ACTR3C: variants seen among roughly 807,000 people sequenced by gnomAD.
The protein encoded by ACTR3C is actin-related protein 3C.
A neutral mutation model predicts 26.3 loss-of-function variants in ACTR3C; 18 were observed. That is an observed-to-expected ratio of 0.68 (90% CI 0.47 to 1.01). The LOEUF is 1.01. ACTR3C is among the 50% of genes least tolerant of loss of function. The pLI is 0.00. For missense variants in ACTR3C, 184 were observed against 250.7 expected (o/e 0.73, Z 1.80); for synonymous variants, 55 against 94.5 (o/e 0.58, Z 2.42).
chr7:150,038,656 C>T, the ACTR3C span, among the ~76,000 whole-genome samples: 2,028 of 144,950 alleles, frequency 0.014, 350 homozygotes, highest in African/African-American at 0.05. Flanking sequence ...GTAAATCCCA[C>T]GTAAGGTCGG....
At chr7:150,037,273 C>T in the ACTR3C span, among the ~76,000 whole-genome samples, 1 of 52,298 alleles carries the variant, frequency 1.9e-5, no homozygotes, top group Admixed American at 1.9e-4. Context: ...CAACTAACAC[C>T]CACAGTCCTC....
chr7:149,975,044 G>C, the ACTR3C span, among the ~76,000 whole-genome samples: 2 of 152,166 alleles, frequency 1.3e-5, no homozygotes, highest in African/African-American at 2.4e-5. Context: ...CATTAGAAGC[G>C]AGGTATATTA....
the ACTR3C span, among the ~76,000 whole-genome samples, chr7:149,945,852 C>T: frequency 6.6e-6 from 1 of 152,284 alleles, no homozygotes; most frequent in Non-Finnish European, 1.5e-5. Flanking sequence ...CTGTAGGAAT[C>T]TAGGGGTTAG....
chr7:149,882,791 G>A, the ACTR3C span, among the ~76,000 whole-genome samples: 2 of 152,210 alleles, frequency 1.3e-5, no homozygotes, highest in Admixed American at 1.3e-4. Flanking sequence ...TTTAATGGGA[G>A]AACGTAGGAG....
the ACTR3C span, among the ~76,000 whole-genome samples, chr7:150,124,492 A>G: frequency 6.6e-6 from 1 of 152,164 alleles, no homozygotes; most frequent in Non-Finnish European, 1.5e-5. Context: ...TCTGTTAGAT[A>G]AATGCGCCCA....
At chr7:149,941,473 A>T in the ACTR3C span, among the ~76,000 whole-genome samples, 1 of 152,216 alleles carries the variant, frequency 6.6e-6, no homozygotes, top group East Asian at 1.9e-4. Context: ...CTGGACCCTA[A>T]TTTAACAGAT....
the ACTR3C span, among the ~76,000 whole-genome samples, chr7:150,060,061 G>A: frequency 6.6e-6 from 1 of 152,196 alleles, no homozygotes; most frequent in Admixed American, 6.5e-5. Context: ...TTGCATATGG[G>A]AGAGGCAACA....
At chr7:150,321,253 T>C (rs568010166) in intron 1 of ACTR3C, among the ~76,000 whole-genome samples, 1 of 152,358 alleles carries the variant, frequency 6.6e-6, no homozygotes, top group South Asian at 2.1e-4. Flanking sequence ...CCTGATTTTT[T>C]TGCCCCTATT....
chr7:150,084,000 A>C, the ACTR3C span, among the ~76,000 whole-genome samples: 1 of 152,214 alleles, frequency 6.6e-6, no homozygotes, highest in African/African-American at 2.4e-5. Flanking sequence ...AGAGCAAATC[A>C]GTATGCTGAA....
At chr7:150,264,295 A>C (rs1833865909) in intron 6 of ACTR3C, among the ~76,000 whole-genome samples, 1 of 152,274 alleles carries the variant, frequency 6.6e-6, no homozygotes, top group African/African-American at 2.4e-5. Flanking sequence ...CCTTGCGGTC[A>C]GCACTGTGCA....
the ACTR3C span, among the ~76,000 whole-genome samples, chr7:150,203,578 T>A: frequency 1.6e-4 from 24 of 152,320 alleles, no homozygotes; most frequent in East Asian, 4.2e-3. Flanking sequence ...TTTTTTTTGT[T>A]TTTTTACATG....
At chr7:150,100,568 C>T in the ACTR3C span, among the ~76,000 whole-genome samples, 3 of 151,670 alleles carry the variant, frequency 2.0e-5, no homozygotes, top group African/African-American at 4.9e-5. Flanking sequence ...TTATCATGCC[C>T]GGAACCTATT....
rs145573034 is a variant in ACTR3C at position 150,296,492 on chromosome 7, C to T, written c.-51-1145G>A. Among the ~76,000 whole-genome samples the T allele has an allele frequency of 1.7e-3, 260 of 152,080 alleles. 1 individual carries two copies. Among genetic ancestry groups the T allele is most frequent in the African/African-American group, 5.9e-3 (246 of 41,444 alleles). ...TCAAACAGGAGGAAATGACAGACAA[C>T]AGAAACAGAAAAAGAATAAATAAAC... On this transcript the variant is annotated intron_variant, in intron 1 of 7. Coordinates refer to ENST00000683684, the MANE Select transcript of ACTR3C (RefSeq NM_001164458.2).
At chr7:150,085,722 A>G in the ACTR3C span, among the ~76,000 whole-genome samples, 14 of 152,128 alleles carry the variant, frequency 9.2e-5, no homozygotes, top group African/African-American at 1.9e-4. Flanking sequence ...AATGAGTTTA[A>G]TAAGTATCCA....
chr7:150,296,245 G>A (rs1170354126), intron 1 of ACTR3C, among the ~76,000 whole-genome samples: 5 of 149,476 alleles, frequency 3.3e-5, no homozygotes, highest in African/African-American at 1.0e-4. Flanking sequence ...CCAGCTACTC[G>A]GGGGCTGAGG....
chr7:150,003,505 CATGCGGTGTGGT>C, the ACTR3C span, among the ~76,000 whole-genome samples: 2 of 152,416 alleles, frequency 1.3e-5, no homozygotes, highest in East Asian at 3.8e-4. Context: ...GGATGTGTGG[CATGCGGTGTGGT>C]ATGTGATGTG....
At chr7:150,039,726 CCACCCT>C in the ACTR3C span, among the ~76,000 whole-genome samples, 1 of 145,122 alleles carries the variant, frequency 6.9e-6, no homozygotes, top group African/African-American at 2.5e-5. Flanking sequence ...CTCTCAGTCC[CCACCCT>C]CGCGGGGGGT....
the ACTR3C span, among the ~76,000 whole-genome samples, chr7:150,182,696 T>C: frequency 6.6e-6 from 1 of 150,974 alleles, no homozygotes; most frequent in Non-Finnish European, 1.5e-5. Context: ...TCATAAGCCA[T>C]ATCTTCACCT....
chr7:150,230,980 G>T, the ACTR3C span, among the ~76,000 whole-genome samples: 1 of 151,778 alleles, frequency 6.6e-6, no homozygotes, highest in African/African-American at 2.4e-5. Flanking sequence ...TCCTGTTTTA[G>T]ATATTATCAA....
Sources: allele counts gnomAD v4.1 joint callset (sites outside exome capture counted in the v4.1 genomes callset), GRCh38; gene constraint gnomAD v4.1.1; transcripts MANE v1.5; gene names NCBI Gene and HGNC (gene_info 2026-07-23, HGNC 2026-07-21).